NKAIN2: variants seen among roughly 807,000 people sequenced by gnomAD.
NKAIN2 encodes sodium/potassium transporting ATPase interacting 2.
In NKAIN2, 14 loss-of-function variants were observed where a neutral mutation model predicts 32.6. That is an observed-to-expected ratio of 0.43 (90% CI 0.28 to 0.67). The LOEUF is 0.67. Ranked by LOEUF, NKAIN2 falls within the 30% of genes least tolerant of loss-of-function variation. The pLI is 0.17. For missense variants in NKAIN2, 198 were observed against 258.3 expected (o/e 0.77, Z 1.60); for synonymous variants, 80 against 87.2 (o/e 0.92, Z 0.46).
chr6:124,644,380 TA>T (rs2114369074), intron 3 of NKAIN2, among the ~76,000 whole-genome samples: 1 of 151,212 alleles, frequency 6.6e-6, no homozygotes, highest in Admixed American at 6.6e-5. Flanking sequence ...ATCCAGAGTG[TA>T]AAAGATTTTG....
chr6:124,759,628 CA>C (rs1243946668), intron 4 of NKAIN2, among the ~76,000 whole-genome samples: 14 of 140,004 alleles, frequency 1.0e-4, no homozygotes, highest in Non-Finnish European at 1.6e-4. Context: ...CACACACACA[CA>C]CACACACACA....
At chr6:124,135,788 C>G (rs1172826996) in intron 1 of NKAIN2, among the ~76,000 whole-genome samples, 1 of 151,972 alleles carries the variant, frequency 6.6e-6, no homozygotes, top group African/African-American at 2.4e-5. Context: ...ATCCTTGAGT[C>G]AACAGTGAAA....
chr6:124,321,973 A>G (rs1054164224), intron 2 of NKAIN2, among the ~76,000 whole-genome samples: 4 of 152,198 alleles, frequency 2.6e-5, no homozygotes, highest in Non-Finnish European at 5.9e-5. Flanking sequence ...TGACTTTAAT[A>G]TATATTTCTA....
At chr6:124,633,778 A>C (rs940137573) in intron 3 of NKAIN2, among the ~76,000 whole-genome samples, 16 of 152,320 alleles carry the variant, frequency 1.1e-4, no homozygotes, top group Non-Finnish European at 2.4e-4. Context: ...AACTGATGGC[A>C]CCTAGAGCCC....
chr6:124,683,895 G>A (rs1032127022), intron 4 of NKAIN2, among the ~76,000 whole-genome samples: 4 of 152,138 alleles, frequency 2.6e-5, no homozygotes, highest in Non-Finnish European at 5.9e-5. Flanking sequence ...GGAAAGTTGA[G>A]GCTCCCTGCA....
intron 1 of NKAIN2, among the ~76,000 whole-genome samples, chr6:123,812,881 G>A (rs888364713): frequency 3.3e-5 from 5 of 152,180 alleles, no homozygotes; most frequent in African/African-American, 4.8e-5. Context: ...AATCAAATTG[G>A]TACACCCTAC....
intron 1 of NKAIN2, among the ~76,000 whole-genome samples, chr6:124,277,428 CGTGT>C (rs56300244): frequency 0.11 from 15,412 of 145,182 alleles, 1,805 homozygotes; most frequent in African/African-American, 0.3. Context: ...GTCTGTGTGT[CGTGT>C]GTGTGTGTGT....
At chr6:124,151,228 A>G (rs1179198377) in intron 1 of NKAIN2, among the ~76,000 whole-genome samples, 1 of 151,966 alleles carries the variant, frequency 6.6e-6, no homozygotes, top group Non-Finnish European at 1.5e-5. Flanking sequence ...CATACATATT[A>G]TTTCAATATG....
At chr6:123,897,976 A>T (rs1029803198) in intron 1 of NKAIN2, among the ~76,000 whole-genome samples, 1 of 152,216 alleles carries the variant, frequency 6.6e-6, no homozygotes, top group East Asian at 1.9e-4. Context: ...TTCCTAACAA[A>T]CAAAATATCC....
rs1162819124 is a variant in NKAIN2, at chr6:124,342,603, G to T, written c.193-12664G>T. Among the ~76,000 whole-genome samples the T allele has an allele frequency of 2.0e-5, 3 of 151,806 alleles. No homozygotes were observed. The East Asian group carries it at 5.9e-4, about 30-fold the overall frequency. On this transcript the variant is annotated intron_variant, in intron 2 of 6. Transcript: ENST00000368417. ...GCTCACTGCAACCTCCAACTCCAGG[G>T]TTCAAGAGATCTTCCCACCTCAGCC...
chr6:124,487,879 T>C (rs576871505), intron 3 of NKAIN2, among the ~76,000 whole-genome samples: 19 of 152,224 alleles, frequency 1.2e-4, no homozygotes, highest in African/African-American at 4.6e-4. Context: ...TCCATTTCTC[T>C]CTCCTTTATA....
At chr6:124,202,195 T>C (rs530868078) in intron 1 of NKAIN2, among the ~76,000 whole-genome samples, 1 of 152,032 alleles carries the variant, frequency 6.6e-6, no homozygotes, top group East Asian at 1.9e-4. Flanking sequence ...GAGCTAATAT[T>C]TCCTAAGATT....
intron 1 of NKAIN2, among the ~76,000 whole-genome samples, chr6:124,075,404 T>A (rs1051043959): frequency 1.3e-5 from 2 of 152,102 alleles, no homozygotes; most frequent in Non-Finnish European, 2.9e-5. Flanking sequence ...TTAACTAGAG[T>A]TAAATTAATT....
chr6:124,589,120 C>A (rs1306273053), intron 3 of NKAIN2, among the ~76,000 whole-genome samples: 1 of 152,088 alleles, frequency 6.6e-6, no homozygotes, highest in African/African-American at 2.4e-5. Context: ...AGTACGCTAA[C>A]ATTTTATAAA....
At chr6:124,728,733 C>T (rs1223460599) in intron 4 of NKAIN2, among the ~76,000 whole-genome samples, 1 of 150,230 alleles carries the variant, frequency 6.7e-6, no homozygotes, top group East Asian at 2.0e-4. Flanking sequence ...GAAATAGAGA[C>T]ACAAAAAACC....
intron 1 of NKAIN2, among the ~76,000 whole-genome samples, chr6:124,157,102 CAAA>C (rs386408503): frequency 2.4e-4 from 12 of 48,982 alleles, no homozygotes; most frequent in African/African-American, 1.1e-3. Flanking sequence ...GACTCTGTCT[CAAA>C]AAAAAAAAAA....
At chr6:124,765,438 A>G (rs1162613756) in intron 4 of NKAIN2, among the ~76,000 whole-genome samples, 1 of 152,194 alleles carries the variant, frequency 6.6e-6, no homozygotes, top group East Asian at 1.9e-4. Context: ...TGGTTTTATC[A>G]AGCTGCCGCA....
At chr6:124,231,369 T>C (rs970336232) in intron 1 of NKAIN2, among the ~76,000 whole-genome samples, 1 of 152,234 alleles carries the variant, frequency 6.6e-6, no homozygotes, top group Non-Finnish European at 1.5e-5. Context: ...TTTGAGCTAA[T>C]GCTGAAATGA....
intron 3 of NKAIN2, among the ~76,000 whole-genome samples, chr6:124,589,348 A>C (rs750676093): frequency 6.6e-6 from 1 of 152,162 alleles, no homozygotes; most frequent in Non-Finnish European, 1.5e-5. Flanking sequence ...CACTGTACTT[A>C]TTTACCGTTC....
Sources: allele counts gnomAD v4.1 joint callset (sites outside exome capture counted in the v4.1 genomes callset), GRCh38; gene constraint gnomAD v4.1.1; transcripts MANE v1.5; gene names NCBI Gene and HGNC (gene_info 2026-07-23, HGNC 2026-07-21).